CFAP47: variants seen among roughly 807,000 people sequenced by gnomAD.
CFAP47 encodes cilia- and flagella-associated protein 47.
In CFAP47, 29 loss-of-function variants were observed where a neutral mutation model predicts 148.1. The observed-to-expected ratio is 0.20, with a 90% CI of 0.15 to 0.27. The LOEUF (loss-of-function observed/expected upper bound fraction) is 0.27, where lower values mean the gene tolerates loss of function less well. CFAP47 is among the 10% of genes least tolerant of loss of function. CFAP47 has a pLI of 1.00. For synonymous variants in CFAP47, 664 were observed against 577.3 expected (o/e 1.15, Z -2.15); for missense variants, 1,872 against 1,697.5 (o/e 1.10, Z -1.81).
At chrX:35,948,983 C>T (rs1186111744) in intron 4 of CFAP47, among the ~76,000 whole-genome samples, 6 of 110,734 alleles carry the variant, frequency 5.4e-5, no homozygotes, top group Non-Finnish European at 9.4e-5. Context: ...GGAGACAAGA[C>T]CAGAAAAACC....
chrX:36,179,387 G>A lies in CFAP47; in HGVS notation c.6069G>A (p.Thr2023=), dbSNP rs1377967989. 8 of 295,309 alleles carry A rather than the reference G, an allele frequency of 2.7e-5. No homozygotes were observed. Among genetic ancestry groups the A allele is most frequent in the African/African-American group, 5.5e-5 (2 of 36,455 alleles). The allele number at this position is 295,309 out of a possible 1,213,427, so 24.3% of individuals were successfully genotyped here. ...VESSTFVSSP[T]KLTESRQYPK... is the part of the protein sequence containing the mutation. ...CCTCAACATTTGTCTCTTCGCCAAC[G>A]AAGTTAACTGAATCCAGGCAATACC... The change falls in exon 40 of 64, where the codon ACG becomes ACA. Residue 2023 remains threonine, a synonymous_variant. Coordinates refer to ENST00000378653, the MANE Select transcript of CFAP47 (RefSeq NM_001304548.2).
At chrX:35,974,878 T>A (rs1188825249) in intron 13 of CFAP47, among the ~76,000 whole-genome samples, 1 of 110,839 alleles carries the variant, frequency 9.0e-6, no homozygotes, top group African/African-American at 3.3e-5. Flanking sequence ...TAAGATAAGT[T>A]GTAGTGAATG....
intron 42 of CFAP47, among the ~76,000 whole-genome samples, chrX:36,198,997 TG>T (rs1939947903): frequency 8.9e-6 from 1 of 112,466 alleles, no homozygotes; most frequent in African/African-American, 3.2e-5. Context: ...ACAACAAAAA[TG>T]TTTTTTTGAC....
In CFAP47 at chrX:35,941,158, G is replaced by GATAA. The variant is rs775757114; in HGVS notation, c.402-124_402-123insTAAA. 66 of 385,312 alleles carry GATAA rather than the reference G, an allele frequency of 1.7e-4. No individual in the cohort carries two copies. The South Asian group carries it at 3.6e-3, about 21-fold the overall frequency. 31.8% of individuals were successfully genotyped at this position (385,312 alleles called of 1,213,427 possible). ...TTTATTGACAAACATGCCACCAGTA[G>GATAA]ACCTGTAAATAAACTGAAATGTCTT... is the stretch of plus-strand genomic sequence containing the variant. On this transcript the variant is annotated intron_variant, in intron 2 of 63. Transcript: ENST00000378653.
intron 40 of CFAP47, among the ~76,000 whole-genome samples, chrX:36,187,673 CT>C (rs75859810): frequency 9.0e-6 from 1 of 110,720 alleles, no homozygotes; most frequent in Admixed American, 9.6e-5. Context: ...AAGGTATTAC[CT>C]TTTTTTAAAA....
At chrX:36,233,489 A>G (rs1434610469) in intron 46 of CFAP47, among the ~76,000 whole-genome samples, 1 of 110,249 alleles carries the variant, frequency 9.1e-6, no homozygotes, top group African/African-American at 3.3e-5. Context: ...CCATCCTTTT[A>G]TTTTGAGCCT....
chrX:36,158,356 T>C (rs149495190), intron 37 of CFAP47, among the ~76,000 whole-genome samples: 9 of 112,338 alleles, frequency 8.0e-5, no homozygotes, highest in African/African-American at 2.9e-4. Flanking sequence ...CAAGGCAAGA[T>C]TGAAAGATTG....
At chrX:36,069,720 A>C (rs1937711838) in intron 27 of CFAP47, among the ~76,000 whole-genome samples, 1 of 111,130 alleles carries the variant, frequency 9.0e-6, no homozygotes, top group South Asian at 3.8e-4. Flanking sequence ...GAATATGTAG[A>C]GAGGGTGAGC....
intron 33 of CFAP47, among the ~76,000 whole-genome samples, chrX:36,134,895 A>G (rs773990036): frequency 9.0e-6 from 1 of 111,243 alleles, no homozygotes; most frequent in Admixed American, 9.6e-5. Context: ...AAACAACCAA[A>G]TTTGAAAAAT....
chrX:36,072,559 T>C (rs1426695372), intron 28 of CFAP47, among the ~76,000 whole-genome samples: 1 of 112,331 alleles, frequency 8.9e-6, no homozygotes, highest in East Asian at 2.8e-4. Flanking sequence ...ATTTTTCTTT[T>C]TATTGAATGG....
chrX:36,237,030 A>C (rs1323725928), intron 48 of CFAP47, among the ~76,000 whole-genome samples, 171 bp downstream of exon 48: 4 of 112,366 alleles, frequency 3.6e-5, no homozygotes, highest in African/African-American at 1.3e-4. Context: ...GCTTTTAAAT[A>C]TCATTTCAAT....
chrX:36,193,355 A>G (rs1221872994), intron 42 of CFAP47, among the ~76,000 whole-genome samples: 1 of 112,138 alleles, frequency 8.9e-6, no homozygotes, highest in African/African-American at 3.2e-5. Context: ...TAAGCAGACT[A>G]ACTTTTGTTT....
chrX:35,938,664 G>A (rs1935953441), intron 2 of CFAP47, among the ~76,000 whole-genome samples: 1 of 111,459 alleles, frequency 9.0e-6, no homozygotes, highest in Non-Finnish European at 1.9e-5. Context: ...TGATATGGAT[G>A]CTGAGAGAAG....
intron 8 of CFAP47, among the ~76,000 whole-genome samples, chrX:35,957,207 C>CAAAA (rs371147219): frequency 5.7e-4 from 19 of 33,598 alleles, no homozygotes; most frequent in Admixed American, 1.1e-3. Context: ...GACTCCATCT[C>CAAAA]AAAAAAAAAA....
chrX:36,233,714 G>A (rs181888310), intron 46 of CFAP47, among the ~76,000 whole-genome samples: 9 of 111,298 alleles, frequency 8.1e-5, no homozygotes, highest in African/African-American at 2.3e-4. Flanking sequence ...TAGCCTTGAC[G>A]GTCTTTACAA....
chrX:36,080,866 G>A (rs999108176), intron 29 of CFAP47, among the ~76,000 whole-genome samples: 18 of 111,296 alleles, frequency 1.6e-4, no homozygotes, highest in Non-Finnish European at 2.5e-4. Flanking sequence ...CCAACACAGC[G>A]CATGTATACA....
At chrX:36,292,232 T>G (rs1424223771) in intron 51 of CFAP47, among the ~76,000 whole-genome samples, 1 of 111,367 alleles carries the variant, frequency 9.0e-6, no homozygotes, top group Non-Finnish European at 1.9e-5. Flanking sequence ...CATCATTAGA[T>G]ACAGTGTTGT....
intron 22 of CFAP47, among the ~76,000 whole-genome samples, chrX:36,024,987 T>A (rs1392250589): frequency 9.0e-6 from 1 of 111,349 alleles, no homozygotes. Flanking sequence ...AATGTTTTAC[T>A]TGGATATTGT....
At chrX:36,177,392 A>G (rs923232768) in intron 39 of CFAP47, among the ~76,000 whole-genome samples, 2 of 112,118 alleles carry the variant, frequency 1.8e-5, no homozygotes, top group African/African-American at 6.5e-5. Context: ...TTCTCCAATT[A>G]GTTACCTTGG....
Sources: allele counts gnomAD v4.1 joint callset (sites outside exome capture counted in the v4.1 genomes callset), GRCh38; gene constraint gnomAD v4.1.1; transcripts MANE v1.5; gene names NCBI Gene and HGNC (gene_info 2026-07-23, HGNC 2026-07-21).